ARHGAP22: variants seen among roughly 807,000 people sequenced by gnomAD.
The protein encoded by ARHGAP22 is rho GTPase-activating protein 22.
A neutral mutation model predicts 59.1 loss-of-function variants in ARHGAP22; 48 were observed. That is an observed-to-expected ratio of 0.81 (90% CI 0.64 to 1.03). The LOEUF is 1.03. Ranked by LOEUF, ARHGAP22 falls within the 50% of genes least tolerant of loss-of-function variation. ARHGAP22 has a pLI of 0.00. For missense variants in ARHGAP22, 1,015 were observed against 958.7 expected, an observed-to-expected ratio of 1.06 and a Z score of -0.78; for synonymous variants, 445 against 416.4, an observed-to-expected ratio of 1.07 and a Z score of -0.84.
chr10:48,621,890 T>C (rs954140235), intron 1 of ARHGAP22, among the ~76,000 whole-genome samples: 3 of 152,222 alleles, frequency 2.0e-5, no homozygotes, highest in Admixed American at 1.3e-4. Flanking sequence ...TTTACTAATA[T>C]ATATTATCCT....
At chr10:48,619,193 A>C (rs1472263447) in intron 1 of ARHGAP22, among the ~76,000 whole-genome samples, 1 of 152,132 alleles carries the variant, frequency 6.6e-6, no homozygotes, top group East Asian at 1.9e-4. Context: ...ATAAATTGAA[A>C]AGAACACACA....
Position 48,455,473 on chromosome 10 carries a change from G to A in ARHGAP22, c.660-339C>T, listed in dbSNP as rs139863768. ...CCTGCGTAGACTGCGTAGGACTCCAGGAACTGTGAAGCCACAGGGCCCTGC... is the reference window on the plus strand; with the variant it reads ...CCTGCGTAGACTGCGTAGGACTCCAAGAACTGTGAAGCCACAGGGCCCTGC... On this transcript the variant is annotated intron_variant, in intron 5 of 9. Coordinates refer to ENST00000249601, the MANE Select transcript of ARHGAP22 (RefSeq NM_021226.4). 3.1e-3 allele frequency among the ~76,000 whole-genome samples: 471 copies of A among 152,340 alleles called. 2 individuals carry two copies. Among genetic ancestry groups the A allele is most frequent in the African/African-American group, 9.5e-3 (395 of 41,586 alleles).
chr10:48,561,952 A>C (rs4838424), intron 2 of ARHGAP22, among the ~76,000 whole-genome samples: 1 of 151,986 alleles, frequency 6.6e-6, no homozygotes, highest in East Asian at 1.9e-4. Context: ...TACTGCCCGG[A>C]GCAGTGGCTC....
chr10:48,566,854 C>T (rs1210465341), intron 2 of ARHGAP22, among the ~76,000 whole-genome samples: 1 of 152,244 alleles, frequency 6.6e-6, no homozygotes, highest in East Asian at 1.9e-4. Flanking sequence ...CAACTGGCCA[C>T]AGCCCCTAAA....
At chr10:48,542,937 G>C (rs2056098226) in intron 3 of ARHGAP22, among the ~76,000 whole-genome samples, 1 of 152,186 alleles carries the variant, frequency 6.6e-6, no homozygotes, top group East Asian at 1.9e-4. Context: ...TGGGGAGGCT[G>C]AGCCCAGGAG....
intron 3 of ARHGAP22, among the ~76,000 whole-genome samples, chr10:48,483,305 T>C (rs1162911705): frequency 6.6e-6 from 1 of 152,192 alleles, no homozygotes; most frequent in Non-Finnish European, 1.5e-5. Flanking sequence ...GAGTTATGCA[T>C]ATCCTACTGC....
chr10:48,584,509 G>T (rs904090337), intron 1 of ARHGAP22, among the ~76,000 whole-genome samples: 2 of 152,204 alleles, frequency 1.3e-5, no homozygotes, highest in African/African-American at 4.8e-5. Flanking sequence ...TTATCTGTGT[G>T]GTTGTCTTTC....
At chr10:48,557,893 C>G (rs1344501179) in intron 2 of ARHGAP22, among the ~76,000 whole-genome samples, 1 of 152,184 alleles carries the variant, frequency 6.6e-6, no homozygotes, top group Non-Finnish European at 1.5e-5. Flanking sequence ...CCTGGTATGA[C>G]ATTTGCTAAG....
chr10:48,569,323 T>C (rs1191133719), intron 2 of ARHGAP22, among the ~76,000 whole-genome samples: 3 of 152,188 alleles, frequency 2.0e-5, no homozygotes, highest in Admixed American at 2.0e-4. Flanking sequence ...CTCATCCCTG[T>C]CTTTAGCAAA....
In ARHGAP22 at chr10:48,455,143, G is replaced by C. The variant is rs1433089209; in HGVS notation, c.660-9C>G. 2 of 1,602,214 alleles carry C rather than the reference G, an allele frequency of 1.2e-6. No individual in the cohort carries two copies. The highest frequency in any genetic ancestry group is 2.2e-5 in the East Asian group (1 of 44,730). Reference sequence around the variant, plus strand: ...TGTGCACGTCTGTTGTGCTGTGGGGGGGAAGAGGACAGGTGTGTGAGGCCT... The same window carrying C: ...TGTGCACGTCTGTTGTGCTGTGGGGCGGAAGAGGACAGGTGTGTGAGGCCT... On this transcript the variant is annotated splice_polypyrimidine_tract_variant and intron_variant, in intron 5 of 9. Coordinates refer to ENST00000249601, the MANE Select transcript of ARHGAP22 (RefSeq NM_021226.4).
At chr10:48,543,666 G>T (rs1018692136) in intron 3 of ARHGAP22, among the ~76,000 whole-genome samples, 2 of 152,340 alleles carry the variant, frequency 1.3e-5, no homozygotes, top group South Asian at 4.1e-4. Flanking sequence ...AGCCAGGGAA[G>T]GGCCAGCAGC....
chr10:48,641,121 A>C (rs2062026817), intron 1 of ARHGAP22, among the ~76,000 whole-genome samples: 1 of 152,196 alleles, frequency 6.6e-6, no homozygotes, highest in African/African-American at 2.4e-5. Context: ...AAAAATAGAA[A>C]AATTAAAATG....
upstream of ARHGAP22, among the ~76,000 whole-genome samples, chr10:48,654,605 G>T (rs1375463733): frequency 6.6e-6 from 1 of 152,142 alleles, no homozygotes; most frequent in Non-Finnish European, 1.5e-5. Context: ...GGGAGAAGGG[G>T]TTCAAAATAC....
intron 3 of ARHGAP22, among the ~76,000 whole-genome samples, chr10:48,515,367 G>A (rs1481511953): frequency 1.3e-5 from 2 of 152,156 alleles, no homozygotes; most frequent in Non-Finnish European, 2.9e-5. Flanking sequence ...AATGATAAAA[G>A]GGTAGTTGCA....
At chr10:48,609,574 C>T (rs143146522), upstream of ARHGAP22, among the ~76,000 whole-genome samples, 11 of 152,174 alleles carry the variant, frequency 7.2e-5, no homozygotes, top group Admixed American at 1.3e-4. Context: ...TGTATTGAGT[C>T]ATTTCATAGT....
intron 2 of ARHGAP22, chr10:48,575,142 C>T (rs2058628419): frequency 6.6e-6 from 1 of 152,176 alleles, no homozygotes; most frequent in African/African-American, 2.4e-5. Flanking sequence ...GACATGACTG[C>T]TCCCTCTTTG....
At chr10:48,438,566 T>C in the ARHGAP22 span, 1 of 152,242 alleles carries the variant, frequency 6.6e-6, no homozygotes, top group Non-Finnish European at 1.5e-5. Context: ...TACCTGTGGA[T>C]TAATTTTGCA....
chr10:48,435,053 G>C, the ARHGAP22 span: 1 of 1,095,532 alleles, frequency 9.1e-7, no homozygotes, highest in South Asian at 1.5e-5. Flanking sequence ...CGGGGGGTGG[G>C]AGGGATGGGG....
the ARHGAP22 span, chr10:48,435,059 T>TTTG: frequency 4.5e-5 from 20 of 447,990 alleles, no homozygotes; most frequent in Non-Finnish European, 7.8e-5. Flanking sequence ...GTGGGAGGGA[T>TTTG]GGGGAGTCGG....
Sources: allele counts gnomAD v4.1 joint callset (sites outside exome capture counted in the v4.1 genomes callset), GRCh38; gene constraint gnomAD v4.1.1; transcripts MANE v1.5; gene names NCBI Gene and HGNC (gene_info 2026-07-23, HGNC 2026-07-21).